DPH6: variants seen among roughly 807,000 people sequenced by gnomAD.
The protein encoded by DPH6 is diphthine--ammonia ligase.
A neutral mutation model predicts 38.2 loss-of-function variants in DPH6; 33 were observed. The observed-to-expected ratio is 0.86, with a 90% CI of 0.65 to 1.15. The LOEUF is 1.15. Ranked by LOEUF, DPH6 falls within the 50% of genes most tolerant of loss-of-function variation. The pLI is 0.00. For missense variants in DPH6, 325 were observed against 320.0 expected (o/e 1.02, Z -0.12); for synonymous variants, 108 against 103.0 (o/e 1.05, Z -0.30).
intron 3 of DPH6, among the ~76,000 whole-genome samples, chr15:35,258,706 T>C (rs1344620398): frequency 6.6e-6 from 1 of 152,196 alleles, no homozygotes; most frequent in African/African-American, 2.4e-5. Flanking sequence ...GGGCCAATAC[T>C]TGAACATTTA....
intron 3 of DPH6, among the ~76,000 whole-genome samples, chr15:35,473,615 G>A (rs930244821): frequency 6.6e-6 from 1 of 151,998 alleles, no homozygotes; most frequent in Admixed American, 6.6e-5. Flanking sequence ...CTGGACTAGG[G>A]TTATCACAAT....
intron 3 of DPH6, among the ~76,000 whole-genome samples, chr15:35,276,460 T>G (rs2051859747): frequency 6.6e-6 from 1 of 152,252 alleles, no homozygotes; most frequent in Non-Finnish European, 1.5e-5. Context: ...TATTCATCTT[T>G]GTTTTTATTG....
chr15:35,227,174 CTTTTTT>C (rs71415001), intron 3 of DPH6, among the ~76,000 whole-genome samples: 3 of 77,080 alleles, frequency 3.9e-5, no homozygotes, highest in East Asian at 5.2e-4. Context: ...ATAACATCTT[CTTTTTT>C]TTTTTTTTTT....
intron 3 of DPH6, among the ~76,000 whole-genome samples, chr15:35,222,521 G>A (rs972214975): frequency 4.6e-5 from 7 of 152,114 alleles, no homozygotes; most frequent in African/African-American, 1.7e-4. Context: ...TGGTCTGGAA[G>A]GGTAGGACAA....
At chr15:35,318,894 T>C (rs2052216151) in intron 3 of DPH6, among the ~76,000 whole-genome samples, 1 of 152,220 alleles carries the variant, frequency 6.6e-6, no homozygotes, top group Admixed American at 6.5e-5. Context: ...AGGTCTTGCA[T>C]TTTAAAGCTG....
At chr15:35,373,740 T>C in intron 7 of DPH6, 132 bp from the exon 8 acceptor site, 1 of 533,974 alleles carries the variant, frequency 1.9e-6, no homozygotes, top group South Asian at 4.8e-5. Context: ...ATGTAGTGAT[T>C]AATAAATATT....
chr15:35,512,737 C>T (rs532824720), intron 3 of DPH6, among the ~76,000 whole-genome samples: 2 of 151,942 alleles, frequency 1.3e-5, no homozygotes, highest in Admixed American at 1.3e-4. Context: ...TAAAAAAAGA[C>T]TTTGAATTTT....
At chr15:35,216,549 T>C (rs1035120111), downstream of DPH6, among the ~76,000 whole-genome samples, 1 of 152,346 alleles carries the variant, frequency 6.6e-6, no homozygotes, top group South Asian at 2.1e-4. Context: ...TAATGAGTTC[T>C]TAAATTATAA....
intron 3 of DPH6, among the ~76,000 whole-genome samples, chr15:35,302,732 T>C (rs1008352382): frequency 5.9e-5 from 9 of 152,118 alleles, no homozygotes; most frequent in African/African-American, 2.2e-4. Flanking sequence ...GGTCCCTTCT[T>C]GGATTGGGGC....
At chr15:35,229,714 G>C (rs2051504366) in intron 3 of DPH6, among the ~76,000 whole-genome samples, 1 of 152,158 alleles carries the variant, frequency 6.6e-6, no homozygotes, top group Non-Finnish European at 1.5e-5. Flanking sequence ...TATTTGAAAG[G>C]ACTTGGGTGT....
chr15:35,477,052 G>A (rs1253429594), intron 3 of DPH6, among the ~76,000 whole-genome samples: 1 of 151,686 alleles, frequency 6.6e-6, no homozygotes, highest in Admixed American at 6.6e-5. Flanking sequence ...TTTATTATAT[G>A]TACAAAGACA....
At chr15:35,285,641 T>C (rs1276116371) in intron 3 of DPH6, among the ~76,000 whole-genome samples, 1 of 152,154 alleles carries the variant, frequency 6.6e-6, no homozygotes, top group African/African-American at 2.4e-5. Context: ...CATTTTTCTC[T>C]AAAGAAGTAC....
exon 4 of DPH6, chr15:35,220,377 C>T (rs2051435145): frequency 1.3e-5 from 2 of 152,046 alleles, no homozygotes; most frequent in African/African-American, 4.8e-5. Context: ...TTTTATGCTG[C>T]TGTAACAGAA....
At chr15:35,486,821 T>G (rs1036077539) in intron 3 of DPH6, among the ~76,000 whole-genome samples, 1 of 152,198 alleles carries the variant, frequency 6.6e-6, no homozygotes, top group Non-Finnish European at 1.5e-5. Flanking sequence ...AAGTCTCATC[T>G]GAGACAAAGC....
At chr15:35,349,610 T>A (rs1440095917) in intron 3 of DPH6, among the ~76,000 whole-genome samples, 1 of 152,094 alleles carries the variant, frequency 6.6e-6, no homozygotes, top group Non-Finnish European at 1.5e-5. Flanking sequence ...ATTTTTGTTA[T>A]TTTTAGTAGA....
In DPH6 at chr15:35,486,941, T is replaced by C. The variant is rs146519296; in HGVS notation, c.313-32121A>G. Among the ~76,000 whole-genome samples the C allele has an allele frequency of 3.1e-3, 472 of 152,200 alleles. 3 individuals carry two copies. The East Asian group carries it at 0.034, about 11-fold the overall frequency. On this transcript the variant is annotated intron_variant, in intron 3 of 8. Coordinates refer to ENST00000256538, the MANE Select transcript of DPH6 (RefSeq NM_080650.4). ...TGCTCCCATTCGGAATGGGAGAAAT[T>C]GGCTCAAACCAAGGGCCTACAAGCC...
intron 3 of DPH6, among the ~76,000 whole-genome samples, chr15:35,462,487 T>A (rs1160126893): frequency 6.6e-6 from 1 of 152,214 alleles, no homozygotes; most frequent in Non-Finnish European, 1.5e-5. Context: ...CAGTCCTTAC[T>A]GCTCCTCAAA....
the DPH6 span, among the ~76,000 whole-genome samples, chr15:35,177,019 T>C: frequency 6.6e-6 from 1 of 152,140 alleles, no homozygotes; most frequent in African/African-American, 2.4e-5. Flanking sequence ...ACTCATAGAA[T>C]TGATTGTATT....
exon 4 of DPH6, chr15:35,219,178 T>C (rs1020817606): frequency 6.6e-6 from 1 of 152,282 alleles, no homozygotes; most frequent in Non-Finnish European, 1.5e-5. Flanking sequence ...CTCTGTAGAG[T>C]AGGTAAACAG....
Sources: allele counts gnomAD v4.1 joint callset (sites outside exome capture counted in the v4.1 genomes callset), GRCh38; gene constraint gnomAD v4.1.1; transcripts MANE v1.5; gene names NCBI Gene and HGNC (gene_info 2026-07-23, HGNC 2026-07-21).